ADCY8: variants seen among roughly 807,000 people sequenced by gnomAD.
ADCY8 encodes the protein adenylate cyclase type 8.
In ADCY8, 51 loss-of-function variants were observed where a neutral mutation model predicts 119.7. That is an observed-to-expected ratio of 0.43 (90% CI 0.34 to 0.54). The LOEUF is 0.54. ADCY8 is among the 20% of genes least tolerant of loss of function. The pLI, the probability that ADCY8 is intolerant of heterozygous loss-of-function variation, is 0.03. For synonymous variants in ADCY8, 665 were observed against 651.0 expected, an observed-to-expected ratio of 1.02 and a Z score of -0.33; for missense variants, 1,383 against 1,598.8, an observed-to-expected ratio of 0.87 and a Z score of 2.30.
intron 12 of ADCY8, among the ~76,000 whole-genome samples, chr8:130,823,697 C>T (rs1377720994): frequency 6.6e-6 from 1 of 151,930 alleles, no homozygotes; most frequent in Admixed American, 6.6e-5. Flanking sequence ...AATATTTATG[C>T]TAATTATAGT....
chr8:131,035,689 C>G (rs73350478), intron 1 of ADCY8, among the ~76,000 whole-genome samples: 2 of 152,216 alleles, frequency 1.3e-5, no homozygotes, highest in South Asian at 4.1e-4. Flanking sequence ...GGAAGGCAAT[C>G]ATTGGCTCAT....
chr8:130,891,654 AT>A (rs1224386904), intron 7 of ADCY8, among the ~76,000 whole-genome samples: 1 of 152,068 alleles, frequency 6.6e-6, no homozygotes, highest in Non-Finnish European at 1.5e-5. Flanking sequence ...AAATGGCACA[AT>A]TTTTTTCCCT....
chr8:131,020,558 A>T (rs533516642), intron 1 of ADCY8, among the ~76,000 whole-genome samples: 1 of 152,364 alleles, frequency 6.6e-6, no homozygotes, highest in Admixed American at 6.5e-5. Context: ...GTAAATATCC[A>T]ACATTCCTTT....
At position 131,033,521 on chromosome 8, in the gene ADCY8, C is replaced by T. The variant is rs574313143; in HGVS notation, c.960+5853G>A. On this transcript the variant is annotated intron_variant, in intron 1 of 17. Transcript: ENST00000286355. ...TCTTCCCAGTTCTAATCTAATTATG[C>T]TCTGACCTGCTGATAACAGTCAGGT... 4.5e-4 allele frequency among the ~76,000 whole-genome samples: 69 copies of T among 152,248 alleles called. 1 individual carries two copies. The South Asian group carries it at 8.9e-3, about 20-fold the overall frequency.
At position 130,946,419 on chromosome 8, in the gene ADCY8, G is replaced by C. The variant is rs1462418062; in HGVS notation, c.1242-2957C>G. ...TTTGTACATGCTATGCCTGCTCCCT[G>C]GTATAGATTTTTCCCCCTTTTGCTA... On this transcript the variant is annotated intron_variant, in intron 3 of 17. Transcript: ENST00000286355. 3.1e-4 allele frequency among the ~76,000 whole-genome samples: 47 copies of C among 152,114 alleles called. 1 individual carries two copies. Among genetic ancestry groups the C allele is most frequent in the Admixed American group, 3.1e-3 (47 of 15,280 alleles).
intron 7 of ADCY8, among the ~76,000 whole-genome samples, chr8:130,900,835 C>T (rs1193859030): frequency 6.6e-6 from 1 of 152,186 alleles, no homozygotes; most frequent in African/African-American, 2.4e-5. Context: ...AAATTCACAT[C>T]CCTTGCACAG....
At chr8:130,974,319 A>G (rs1029093435) in intron 2 of ADCY8, among the ~76,000 whole-genome samples, 1 of 152,140 alleles carries the variant, frequency 6.6e-6, no homozygotes, top group African/African-American at 2.4e-5. Flanking sequence ...CTAGCTAGAG[A>G]CACTAGAGAC....
chr8:130,826,095 G>C (rs1816660620), intron 12 of ADCY8, among the ~76,000 whole-genome samples: 1 of 152,170 alleles, frequency 6.6e-6, no homozygotes, highest in African/African-American at 2.4e-5. Flanking sequence ...CATTGAACAT[G>C]GTTGGCATAA....
intron 4 of ADCY8, among the ~76,000 whole-genome samples, chr8:130,940,157 C>T (rs1438797101): frequency 2.6e-5 from 4 of 152,154 alleles, no homozygotes; most frequent in South Asian, 2.1e-4. Context: ...TGTCATCTTA[C>T]GGATGGGAAC....
chr8:131,032,339 G>A (rs533974000), intron 1 of ADCY8, among the ~76,000 whole-genome samples: 3 of 152,202 alleles, frequency 2.0e-5, no homozygotes, highest in South Asian at 4.2e-4. Context: ...GAGTGAAAGG[G>A]ATAGAAAACC....
At chr8:130,944,907 A>C (rs1481768571) in intron 3 of ADCY8, among the ~76,000 whole-genome samples, 2 of 152,214 alleles carry the variant, frequency 1.3e-5, no homozygotes, top group Non-Finnish European at 2.9e-5. Flanking sequence ...CTGGAAAGAC[A>C]AAAAGAAAAA....
intron 7 of ADCY8, among the ~76,000 whole-genome samples, chr8:130,899,975 G>A (rs1193343483): frequency 6.6e-6 from 1 of 152,022 alleles, no homozygotes; most frequent in Non-Finnish European, 1.5e-5. Flanking sequence ...TAAATCTTAA[G>A]TTCCAATAGT....
chr8:131,006,052 ACACACACACG>A (rs1033254705), intron 1 of ADCY8, among the ~76,000 whole-genome samples: 1 of 151,976 alleles, frequency 6.6e-6, no homozygotes, highest in Non-Finnish European at 1.5e-5. Flanking sequence ...TCTCTGTCAC[ACACACACACG>A]CACACACACA....
intron 11 of ADCY8, among the ~76,000 whole-genome samples, chr8:130,843,714 A>G (rs536506583): frequency 6.6e-6 from 1 of 152,328 alleles, no homozygotes; most frequent in Non-Finnish European, 1.5e-5. Context: ...TAAATATTTT[A>G]AAACATAGAT....
chr8:130,780,912 G>A (rs751496992), intron 17 of ADCY8, 35 bp from the exon 18 acceptor site: 7 of 1,602,872 alleles, frequency 4.4e-6, no homozygotes, highest in South Asian at 3.4e-5. Flanking sequence ...GAAGTCAGAG[G>A]GAGAAGGGGG....
At chr8:130,943,199 C>T in intron 4 of ADCY8, 152 bp downstream of exon 4, 4 of 562,570 alleles carry the variant, frequency 7.1e-6, no homozygotes, top group Non-Finnish European at 9.5e-6. Flanking sequence ...AACATCAGTC[C>T]CCAGAATGTG....
At chr8:130,832,764 C>A (rs140811173) in intron 12 of ADCY8, among the ~76,000 whole-genome samples, 1 of 152,176 alleles carries the variant, frequency 6.6e-6, no homozygotes, top group East Asian at 1.9e-4. Flanking sequence ...CAAACAGAAT[C>A]CAGAACTAAG....
At chr8:130,834,431 A>G (rs1816925422) in intron 12 of ADCY8, among the ~76,000 whole-genome samples, 1 of 152,240 alleles carries the variant, frequency 6.6e-6, no homozygotes, top group Non-Finnish European at 1.5e-5. Context: ...CAACAGGACC[A>G]CTGCTTGTAA....
Position 131,039,858 on chromosome 8 carries a change from T to C in ADCY8, c.476A>G (p.Asn159Ser), listed in dbSNP as rs1000299030. Residue 159 changes from asparagine to serine, a missense_variant, in exon 1 of 18, where the codon AAC (asparagine) becomes AGC (serine). Coordinates refer to ENST00000286355, the MANE Select transcript of ADCY8 (RefSeq NM_001115.3). ...TTCCAAATCCCGAGATTTGAAGGAG[T>C]TGCGCAGGGTGGGGAAAATGACCCC... ...YRGVIFPTLR[N>S]SFKSRDLERL... The C allele has an allele frequency of 5.6e-6, 9 of 1,613,382 alleles. No homozygotes were observed. Among genetic ancestry groups the C allele is most frequent in the East Asian group, 2.2e-5 (1 of 44,842 alleles).
Sources: gnomAD v4.1 joint callset for allele counts (sites outside exome capture counted in the v4.1 genomes callset) on GRCh38, gnomAD v4.1.1 for gene constraint, MANE v1.5 for transcripts, NCBI Gene and HGNC (gene_info 2026-07-23, HGNC 2026-07-21) for gene names.